The following TMEM132B variants were observed in gnomAD, a reference collection of about 807,000 sequenced individuals.
TMEM132B encodes transmembrane protein 132B.
TMEM132B carries 18 observed loss-of-function variants against 90.8 expected under a neutral mutation model. That is an observed-to-expected ratio of 0.20 (90% CI 0.14 to 0.29). TMEM132B has a LOEUF of 0.29. TMEM132B is among the 10% of genes least tolerant of loss of function. TMEM132B has a pLI of 1.00. For synonymous variants in TMEM132B, 504 were observed against 523.3 expected (o/e 0.96, Z 0.50); for missense variants, 1,096 against 1,326.8 (o/e 0.83, Z 2.70).
chr12:125,290,863 T>C (rs1483582603), intron 1 of TMEM132B, among the ~76,000 whole-genome samples: 1 of 152,174 alleles, frequency 6.6e-6, no homozygotes, highest in Non-Finnish European at 1.5e-5. Context: ...GTAGACAGAA[T>C]TGAAGGTACA....
intron 1 of TMEM132B, among the ~76,000 whole-genome samples, chr12:125,191,075 T>G (rs1593035818): frequency 5.3e-5 from 2 of 37,896 alleles, no homozygotes; most frequent in Non-Finnish European, 9.7e-5. Context: ...GTGGTGATGG[T>G]GATGGGGAAG....
At chr12:125,624,180 T>C (rs780798719) in intron 5 of TMEM132B, among the ~76,000 whole-genome samples, 1 of 152,124 alleles carries the variant, frequency 6.6e-6, no homozygotes, top group Non-Finnish European at 1.5e-5. Flanking sequence ...TTGAAATGAA[T>C]TGATAAAAAG....
chr12:125,245,258 A>G (rs922373129), intron 1 of TMEM132B, among the ~76,000 whole-genome samples: 2 of 151,088 alleles, frequency 1.3e-5, no homozygotes, highest in East Asian at 3.9e-4. Context: ...TTGTTCCCAG[A>G]TGCCCCCCCA....
At position 125,653,581 on chromosome 12, in the gene TMEM132B, C is replaced by T. The variant is rs1416142737; in HGVS notation, c.2123C>T (p.Ser708Phe). ...TTTCCTCAGGAAGCAATAGTAAGTT[C>T]TTGGATTTTGTTCAGTGATGGTTCG... ...QSPQQEAIVS[S>F]WILFSDGSVT... Residue 708 changes from serine to phenylalanine, a missense_variant, in exon 9 of 9, where the codon TCT becomes TTT. Ser to Phe is a radical substitution (Grantham distance 155). Transcript: ENST00000682704. 1 of 1,604,880 alleles carries T rather than the reference C, an allele frequency of 6.2e-7. No homozygotes were observed. Among genetic ancestry groups the T allele is most frequent in the South Asian group, 1.1e-5 (1 of 90,630 alleles).
At chr12:125,287,163 G>A (rs1382135771) in intron 1 of TMEM132B, among the ~76,000 whole-genome samples, 1 of 151,782 alleles carries the variant, frequency 6.6e-6, no homozygotes, top group East Asian at 1.9e-4. Flanking sequence ...GCCTTGCCCC[G>A]ACCTTTTCCT....
At chr12:125,424,286 GT>G (rs1337610861) in intron 3 of TMEM132B, among the ~76,000 whole-genome samples, 1 of 152,178 alleles carries the variant, frequency 6.6e-6, no homozygotes, top group Non-Finnish European at 1.5e-5. Context: ...TACGTGATGC[GT>G]TTTTAAGTTC....
intron 1 of TMEM132B, among the ~76,000 whole-genome samples, chr12:125,293,074 T>A (rs1875583674): frequency 6.6e-6 from 1 of 152,194 alleles, no homozygotes; most frequent in African/African-American, 2.4e-5. Flanking sequence ...AGCTCAGTGC[T>A]ATGGGGCTGG....
intron 1 of TMEM132B, among the ~76,000 whole-genome samples, chr12:125,299,554 C>A (rs898486923): frequency 6.6e-6 from 1 of 152,210 alleles, no homozygotes; most frequent in Admixed American, 6.5e-5. Context: ...CTCCCTAGAG[C>A]CTTCAGGAGC....
chr12:125,323,999 C>G (rs1876494911), intron 1 of TMEM132B, among the ~76,000 whole-genome samples: 1 of 152,088 alleles, frequency 6.6e-6, no homozygotes, highest in Non-Finnish European at 1.5e-5. Flanking sequence ...ACAAACCCCC[C>G]AACCGTGAAA....
At chr12:125,439,840 C>T (rs571698186) in intron 3 of TMEM132B, among the ~76,000 whole-genome samples, 1 of 152,232 alleles carries the variant, frequency 6.6e-6, no homozygotes, top group South Asian at 2.1e-4. Context: ...GAGGTATGTT[C>T]CTTCAGTACC....
chr12:125,333,121 G>A (rs1876842619), intron 1 of TMEM132B, among the ~76,000 whole-genome samples: 1 of 152,094 alleles, frequency 6.6e-6, no homozygotes, highest in Non-Finnish European at 1.5e-5. Flanking sequence ...TCCAGCTTTT[G>A]GTGTTGCCAG....
At chr12:125,265,618 A>T (rs765816910) in intron 1 of TMEM132B, among the ~76,000 whole-genome samples, 9 of 152,172 alleles carry the variant, frequency 5.9e-5, no homozygotes, top group Non-Finnish European at 1.2e-4. Flanking sequence ...AACTGAACAC[A>T]CTCATGAAAA....
chr12:125,335,227 G>T (rs1403205383), intron 1 of TMEM132B, among the ~76,000 whole-genome samples: 1 of 152,194 alleles, frequency 6.6e-6, no homozygotes, highest in African/African-American at 2.4e-5. Flanking sequence ...TGAGAGTAGT[G>T]CTGGCAGGAA....
intron 4 of TMEM132B, among the ~76,000 whole-genome samples, chr12:125,541,886 G>C (rs551324829): frequency 6.6e-6 from 1 of 151,760 alleles, no homozygotes; most frequent in South Asian, 2.1e-4. Flanking sequence ...TTAGCCGGGC[G>C]TGGTGGCGGG....
chr12:125,260,094 A>G (rs1453729840), intron 1 of TMEM132B, among the ~76,000 whole-genome samples: 4 of 152,234 alleles, frequency 2.6e-5, no homozygotes, highest in Non-Finnish European at 5.9e-5. Context: ...TGTGCAAGCC[A>G]GGTTGGAGCT....
intron 4 of TMEM132B, among the ~76,000 whole-genome samples, chr12:125,552,781 T>G (rs1884268041): frequency 6.6e-6 from 1 of 152,252 alleles, no homozygotes; most frequent in Non-Finnish European, 1.5e-5. Context: ...GAAATCCATT[T>G]TTGTGGTTTT....
intron 5 of TMEM132B, among the ~76,000 whole-genome samples, chr12:125,606,376 G>A (rs370403797): frequency 2.0e-5 from 3 of 148,460 alleles, no homozygotes; most frequent in African/African-American, 5.0e-5. Flanking sequence ...GTGTGTACAC[G>A]TATTAGTGTG....
chr12:125,192,208 C>T (rs1872810980), intron 1 of TMEM132B, among the ~76,000 whole-genome samples: 1 of 152,192 alleles, frequency 6.6e-6, no homozygotes, highest in Admixed American at 6.5e-5. Flanking sequence ...TCCCATTTTA[C>T]AGATACGCAA....
intron 4 of TMEM132B, among the ~76,000 whole-genome samples, chr12:125,573,007 AG>A (rs1404105056): frequency 6.6e-6 from 1 of 152,002 alleles, no homozygotes; most frequent in Non-Finnish European, 1.5e-5. Flanking sequence ...ATTTTTTTTG[AG>A]CACTTTGTTA....
Sources: gnomAD v4.1 joint callset for allele counts (sites outside exome capture counted in the v4.1 genomes callset) on GRCh38, gnomAD v4.1.1 for gene constraint, MANE v1.5 for transcripts, NCBI Gene and HGNC (gene_info 2026-07-23, HGNC 2026-07-21) for gene names.